The following TTC9C variants were observed in gnomAD, a reference collection of about 807,000 sequenced individuals.
TTC9C encodes tetratricopeptide repeat domain 9C, also known as tetratricopeptide repeat protein 9C.
TTC9C carries 15 observed loss-of-function variants against 22.5 expected under a neutral mutation model. That is an observed-to-expected ratio of 0.67 (90% CI 0.45 to 1.03). The LOEUF (loss-of-function observed/expected upper bound fraction) is 1.03, where lower values mean the gene tolerates loss of function less well. Ranked by LOEUF, TTC9C falls within the 50% of genes least tolerant of loss-of-function variation. TTC9C has a pLI of 0.00. For synonymous variants in TTC9C, 92 were observed against 86.8 expected (o/e 1.06, Z -0.33); for missense variants, 244 against 214.6 (o/e 1.14, Z -0.86).
chr11:62,738,364 C>T lies in TTC9C; in HGVS notation c.498C>T (p.Tyr166=). The T allele has an allele frequency of 1.2e-6, 2 of 1,611,638 alleles. No homozygotes were observed. Among genetic ancestry groups the T allele is most frequent in the African/African-American group, 1.3e-5 (1 of 74,974 alleles). ...SSYHRKEKQL[Y]LGMFG ...ACCATAGAAAAGAGAAGCAGCTCTA[C>T]CTGGGCATGTTTGGTTAACAAAGAA... is the stretch of plus-strand genomic sequence containing the variant. Residue 166 remains tyrosine, a synonymous_variant, in exon 3 of 3, where the codon TAC becomes TAT. Transcript: ENST00000316461.
Position 62,738,564 on chromosome 11 carries a change from G to A in TTC9C, c.*182G>A, listed in dbSNP as rs980561192. On this transcript the variant is annotated 3_prime_UTR_variant, in exon 3 of 3. Coordinates refer to ENST00000316461, the MANE Select transcript of TTC9C (RefSeq NM_173810.4). Reference sequence around the variant, plus strand: ...TGAGTCTTTTTCTGTCTATCCATCTGTTTATTTCTATACCTTTCAATACAT... The same window carrying A: ...TGAGTCTTTTTCTGTCTATCCATCTATTTATTTCTATACCTTTCAATACAT... 1 of 515,366 alleles carries A rather than the reference G, an allele frequency of 1.9e-6. No individual in the cohort carries two copies. The highest frequency in any genetic ancestry group is 3.5e-6 in the Non-Finnish European group (1 of 287,532). The allele number at this position is 515,366 out of a possible 1,614,324, so 31.9% of individuals were successfully genotyped here.
At chr11:62,736,240 A>C (rs1201832491) in intron 2 of TTC9C, 1 of 151,050 alleles carries the variant, frequency 6.6e-6, no homozygotes, top group Non-Finnish European at 1.5e-5. Flanking sequence ...AAAAAAAAAA[A>C]AAACAGTGTT....
intron 1 of TTC9C, among the ~76,000 whole-genome samples, chr11:62,730,326 C>T (rs186400417): frequency 6.6e-6 from 1 of 152,286 alleles, no homozygotes; most frequent in East Asian, 1.9e-4. Flanking sequence ...TCGCCCGCCT[C>T]GGCCTCGCAA....
At chr11:62,730,893 TTA>T (rs2083840899) in intron 1 of TTC9C, among the ~76,000 whole-genome samples, 2 of 131,692 alleles carry the variant, frequency 1.5e-5, no homozygotes, top group African/African-American at 3.3e-5. Flanking sequence ...TTTTATTTAT[TTA>T]TTTTTTTTTT....
chr11:62,735,360 C>G (rs1590914130), intron 1 of TTC9C, 22 bp from the exon 2 acceptor site: 1 of 1,611,828 alleles, frequency 6.2e-7, no homozygotes, highest in Non-Finnish European at 8.5e-7. Context: ...TACCTCTTCT[C>G]TCTTTTCATT....
At chr11:62,729,577 T>A (rs2083822363) in intron 1 of TTC9C, among the ~76,000 whole-genome samples, 1 of 145,656 alleles carries the variant, frequency 6.9e-6, no homozygotes, top group Non-Finnish European at 1.5e-5. Context: ...TAATTTTTTT[T>A]TTTTTTTTTT....
At chr11:62,728,357 CAAAT>C (rs1001471332), upstream of TTC9C, 1 of 362,766 alleles carries the variant, frequency 2.8e-6, no homozygotes, top group Non-Finnish European at 5.4e-6. Context: ...TTGACGTCAA[CAAAT>C]AAATGTTGAA....
chr11:62,735,764 GTATTATTAGT>G, intron 2 of TTC9C, 200 bp downstream of exon 2: 1 of 938,996 alleles, frequency 1.1e-6, no homozygotes, highest in South Asian at 2.2e-5. Context: ...CAGAAAAGCA[GTATTATTAGT>G]TTCATGTGTA....
chr11:62,735,521 G>C lies in TTC9C; in HGVS notation c.378G>C (p.Gln126His). 6.2e-7 allele frequency: 1 copy of C among 1,606,002 alleles called. No individual in the cohort carries two copies. Among genetic ancestry groups the C allele is most frequent in the South Asian group, 1.1e-5 (1 of 90,136 alleles). ...TTTTCCATCTGCAGGACTATGACCA[G>C]GCCCGCCACTACCTCCTGGCTGCCG... is the stretch of plus-strand genomic sequence containing the variant. ...VAFFHLQDYDQARHYLLAAVN... is the reference protein window; with the variant it reads ...VAFFHLQDYDHARHYLLAAVN... Residue 126 changes from glutamine (Q) to histidine (H), a missense_variant, in exon 2 of 3, where the codon CAG (glutamine) becomes CAC (histidine). By Grantham distance (24) the Gln-to-His change is conservative. Transcript: ENST00000316461.
intron 1 of TTC9C, among the ~76,000 whole-genome samples, chr11:62,732,502 A>G (rs141855652): frequency 1.5e-3 from 233 of 151,882 alleles, no homozygotes; most frequent in Middle Eastern, 3.4e-3. Context: ...CGCATCTACT[A>G]GGGAGGCTGA....
At chr11:62,728,417 C>A, upstream of TTC9C, 1 of 428,060 alleles carries the variant, frequency 2.3e-6, no homozygotes, top group Non-Finnish European at 4.6e-6. Context: ...GGAGTTTTAG[C>A]ACTAGTCCCG....
At chr11:62,730,895 ATT>A (rs34523976) in intron 1 of TTC9C, among the ~76,000 whole-genome samples, 5,466 of 136,942 alleles carry the variant, frequency 0.04, 334 homozygotes, top group African/African-American at 0.13. Flanking sequence ...TTATTTATTT[ATT>A]TTTTTTTTTG....
Position 62,738,454 on chromosome 11 carries a change from C to G in TTC9C, c.*72C>G. The G allele has an allele frequency of 8.9e-7, 1 of 1,123,286 alleles. No homozygotes were observed. Among genetic ancestry groups the G allele is most frequent in the South Asian group, 1.3e-5 (1 of 74,106 alleles). 69.6% of individuals were successfully genotyped at this position (1,123,286 alleles called of 1,614,324 possible). A position where few individuals can be genotyped will look rare whatever the true frequency, so the allele number is the denominator to read the frequency against. ...ACATGCATGAAGGAGAAATCTGAGC[C>G]TCAGCAAGAGAAATTAACCCTATAC... On this transcript the variant is annotated 3_prime_UTR_variant, in exon 3 of 3. Transcript: ENST00000316461.
At chr11:62,733,335 C>T (rs746675412) in intron 1 of TTC9C, 1 of 374,426 alleles carries the variant, frequency 2.7e-6, no homozygotes, top group Non-Finnish European at 4.7e-6. Flanking sequence ...CCTGTAAGAT[C>T]TTAGACAAGT....
Position 62,728,729 on chromosome 11 carries a change from G to T in TTC9C, c.-120G>T, listed in dbSNP as rs1361543175. The T allele has an allele frequency of 4.1e-6, 4 of 978,226 alleles. No individual in the cohort carries two copies. Among genetic ancestry groups the T allele is most frequent in the Non-Finnish European group, 6.4e-6 (4 of 628,162 alleles). 60.6% of individuals were successfully genotyped at this position (978,226 alleles called of 1,614,324 possible). On this transcript the variant is annotated 5_prime_UTR_variant, in exon 1 of 3. Coordinates refer to ENST00000316461, the MANE Select transcript of TTC9C (RefSeq NM_173810.4). ...AGGTCCCTGTGGGGGGACTCTCCAG[G>T]AAGAAGGGTAATTTCCTGCCTCCTT... is the stretch of plus-strand genomic sequence containing the variant.
chr11:62,733,089 T>C, intron 1 of TTC9C: 2 of 1,243,432 alleles, frequency 1.6e-6, no homozygotes, highest in Non-Finnish European at 2.1e-6. Context: ...AGCACCATGA[T>C]TTAATAATAC....
At chr11:62,733,631 T>C (rs1359878798) in intron 1 of TTC9C, among the ~76,000 whole-genome samples, 4 of 151,424 alleles carry the variant, frequency 2.6e-5, no homozygotes, top group Non-Finnish European at 5.9e-5. Flanking sequence ...TAAGATGGAG[T>C]CTTGCTCCAT....
At chr11:62,734,470 C>G (rs1160419997) in intron 1 of TTC9C, among the ~76,000 whole-genome samples, 1 of 152,086 alleles carries the variant, frequency 6.6e-6, no homozygotes, top group Non-Finnish European at 1.5e-5. Flanking sequence ...CATGGGTAAT[C>G]CCAGCTACTC....
chr11:62,738,101 TG>T (rs1309707414), intron 2 of TTC9C, among the ~76,000 whole-genome samples, 186 bp from the exon 3 acceptor site: 15 of 137,928 alleles, frequency 1.1e-4, no homozygotes, highest in African/African-American at 6.0e-5. Context: ...GGACAGAGAT[TG>T]TTTTTTTTCA....
Sources: allele counts gnomAD v4.1 joint callset (sites outside exome capture counted in the v4.1 genomes callset), GRCh38; gene constraint gnomAD v4.1.1; transcripts MANE v1.5; gene names NCBI Gene and HGNC (gene_info 2026-07-23, HGNC 2026-07-21).